TBX15: variants seen among roughly 807,000 people sequenced by gnomAD.
TBX15 encodes the protein T-box transcription factor TBX15.
In TBX15, 18 loss-of-function variants were observed where a neutral mutation model predicts 53.9. That is an observed-to-expected ratio of 0.33 (90% CI 0.23 to 0.49). The LOEUF is 0.49. Ranked by LOEUF, TBX15 falls within the 20% of genes least tolerant of loss-of-function variation. The pLI is 0.98. For synonymous variants in TBX15, 295 were observed against 278.0 expected, an observed-to-expected ratio of 1.06 and a Z score of -0.61; for missense variants, 692 against 749.5, an observed-to-expected ratio of 0.92 and a Z score of 0.90.
At chr1:118,909,614 G>A (rs1209533670) in intron 6 of TBX15, among the ~76,000 whole-genome samples, 7 of 152,242 alleles carry the variant, frequency 4.6e-5, no homozygotes, top group South Asian at 2.1e-4. Context: ...ACGGAGTCTC[G>A]CTCCGTTGCC....
At chr1:118,911,790 C>T (rs987142586) in intron 6 of TBX15, among the ~76,000 whole-genome samples, 5 of 152,152 alleles carry the variant, frequency 3.3e-5, no homozygotes, top group African/African-American at 9.7e-5. Context: ...GCCTGGCACA[C>T]GTCTGTCTTT....
At chr1:118,969,690 A>G (rs879276527) in intron 1 of TBX15, among the ~76,000 whole-genome samples, 1 of 152,224 alleles carries the variant, frequency 6.6e-6, no homozygotes, top group Non-Finnish European at 1.5e-5. Context: ...GTTGGCTATT[A>G]ACATTTAGAA....
chr1:118,891,045 A>G, intron 7 of TBX15: 3 of 730,482 alleles, frequency 4.1e-6, no homozygotes, highest in South Asian at 1.7e-5. Flanking sequence ...GTAAAGTTTA[A>G]TGAGCACAGC....
At chr1:118,965,024 A>C (rs934707699) in intron 1 of TBX15, among the ~76,000 whole-genome samples, 3 of 152,228 alleles carry the variant, frequency 2.0e-5, no homozygotes, top group Non-Finnish European at 4.4e-5. Flanking sequence ...CTTTATTTTA[A>C]ACATCTGAAG....
chr1:118,971,320 C>G lies in TBX15; in HGVS notation c.205+16271G>C, dbSNP rs140228682. ...TCCAGAATATAGAGAGATCAACAGA[C>G]ACATTCCAGGTCACACCTACAGGTG... On this transcript the variant is annotated intron_variant, in intron 1 of 7. Coordinates refer to ENST00000369429, the MANE Select transcript of TBX15 (RefSeq NM_001330677.2). Among the ~76,000 whole-genome samples the G allele has an allele frequency of 2.2e-4, 34 of 152,318 alleles. No individual in the cohort carries two copies. In the East Asian group the frequency reaches 5.4e-3, roughly 24 times the overall value.
At chr1:118,898,641 T>C (rs1654510490) in intron 7 of TBX15, among the ~76,000 whole-genome samples, 1 of 152,082 alleles carries the variant, frequency 6.6e-6, no homozygotes, top group Admixed American at 6.5e-5. Flanking sequence ...AAGATTTTGC[T>C]CATCACGAAA....
chr1:118,951,342 T>G (rs1195791718), intron 1 of TBX15, among the ~76,000 whole-genome samples: 3 of 152,200 alleles, frequency 2.0e-5, no homozygotes, highest in Admixed American at 6.5e-5. Context: ...GCAGCTAACA[T>G]GCAATTCCCA....
At chr1:118,929,323 T>C (rs1368179045) in intron 2 of TBX15, among the ~76,000 whole-genome samples, 1 of 152,036 alleles carries the variant, frequency 6.6e-6, no homozygotes, top group African/African-American at 2.4e-5. Context: ...CTAACATAAT[T>C]AAGAAGATGG....
At chr1:118,904,935 C>A (rs896532456) in intron 6 of TBX15, among the ~76,000 whole-genome samples, 15 of 152,168 alleles carry the variant, frequency 9.9e-5, no homozygotes, top group African/African-American at 3.6e-4. Flanking sequence ...CTAAGTCTGC[C>A]TATCTGTAAA....
intron 5 of TBX15, among the ~76,000 whole-genome samples, chr1:118,919,152 TG>T (rs966234375): frequency 2.0e-5 from 3 of 152,198 alleles, no homozygotes; most frequent in Non-Finnish European, 4.4e-5. Context: ...CTGTGTTACC[TG>T]GGAAAACAAG....
chr1:118,988,782 G>C (rs1214036711), upstream of TBX15, among the ~76,000 whole-genome samples: 1 of 152,224 alleles, frequency 6.6e-6, no homozygotes, highest in Non-Finnish European at 1.5e-5. Flanking sequence ...GAATATTCTG[G>C]TTCCTCCTGG....
intron 4 of TBX15, 68 bp downstream of exon 4, chr1:118,924,578 G>T: frequency 6.3e-7 from 1 of 1,590,904 alleles, no homozygotes; most frequent in Non-Finnish European, 8.6e-7. Flanking sequence ...AAAAAGACTG[G>T]GGCTAGCCAG....
chr1:118,945,325 T>A (rs1656314189), intron 1 of TBX15, among the ~76,000 whole-genome samples: 1 of 152,184 alleles, frequency 6.6e-6, no homozygotes, highest in South Asian at 2.1e-4. Flanking sequence ...AAATTGTAAG[T>A]TAACTCTGAT....
At chr1:118,962,816 C>T (rs1441411636) in intron 1 of TBX15, among the ~76,000 whole-genome samples, 1 of 152,128 alleles carries the variant, frequency 6.6e-6, no homozygotes, top group Non-Finnish European at 1.5e-5. Context: ...TATCAGTGAA[C>T]ACTGACCATT....
intron 1 of TBX15, among the ~76,000 whole-genome samples, chr1:118,980,854 A>G (rs1426227597): frequency 6.6e-6 from 1 of 150,878 alleles, no homozygotes; most frequent in African/African-American, 2.4e-5. Context: ...CTTTTTTGAG[A>G]CGGAGTCTTG....
At chr1:118,976,499 A>C (rs1033494639) in intron 1 of TBX15, among the ~76,000 whole-genome samples, 2 of 152,276 alleles carry the variant, frequency 1.3e-5, no homozygotes, top group East Asian at 3.9e-4. Context: ...CTCCGGGAAG[A>C]AATATCAAAA....
At position 118,987,774 on chromosome 1, in the gene TBX15, C is replaced by A. The variant is rs1657891267; in HGVS notation, c.22G>T (p.Ala8Ser). The A allele has an allele frequency of 2.6e-6, 4 of 1,550,100 alleles. No individual in the cohort carries two copies. Among genetic ancestry groups the A allele is most frequent in the Non-Finnish European group, 3.5e-6 (4 of 1,146,828 alleles). The stretch of plus-strand genomic sequence containing the variant: ...TGTGCTCGCGAGCTCAGGGCGACTG[C>A]AGATCTTCTCCTTTCACTCATTTTA... The part of the protein sequence containing the change: MSERRRS[A>S]VALSSRAHAF... The change falls in exon 1 of 8, where the codon GCA becomes TCA. Residue 8 changes from alanine to serine, a missense_variant. By Grantham distance (99) the Ala-to-Ser change is moderately conservative. This residue lies in a region of TBX15 where 307 missense variants were observed against 347.5 expected (regional missense o/e 0.88). Transcript: ENST00000369429.
At chr1:118,893,427 TGGAA>T (rs1188594449) in intron 7 of TBX15, among the ~76,000 whole-genome samples, 32 of 37,818 alleles carry the variant, frequency 8.5e-4, no homozygotes, top group African/African-American at 2.0e-3. Context: ...GAAAGAAAGA[TGGAA>T]GGAAGGAAGG....
intron 6 of TBX15, among the ~76,000 whole-genome samples, chr1:118,899,465 A>T (rs1641911395): frequency 1.3e-5 from 2 of 152,222 alleles, no homozygotes; most frequent in South Asian, 2.1e-4. Flanking sequence ...TTGTGCAGAA[A>T]GTAACATTGA....
Sources: allele counts gnomAD v4.1 joint callset (sites outside exome capture counted in the v4.1 genomes callset), GRCh38; gene constraint gnomAD v4.1.1; regional missense constraint gnomAD v4.1.1; transcripts MANE v1.5; gene names NCBI Gene and HGNC (gene_info 2026-07-23, HGNC 2026-07-21).